The following CRACDL variants were observed in gnomAD, a reference collection of about 807,000 sequenced individuals.
CRACDL encodes CRACD like.
CRACDL carries 26 observed loss-of-function variants against 70.6 expected under a neutral mutation model. The observed-to-expected ratio is 0.37, with a 90% CI of 0.27 to 0.51. The LOEUF (loss-of-function observed/expected upper bound fraction) is 0.51, where lower values mean the gene tolerates loss of function less well. Among genes scored for constraint, CRACDL ranks in the 20% least tolerant of loss-of-function variants. The pLI, the probability that CRACDL is intolerant of heterozygous loss-of-function variation, is 0.94. For synonymous variants in CRACDL, 618 were observed against 615.2 expected, an observed-to-expected ratio of 1.00 and a Z score of -0.07; for missense variants, 1,283 against 1,376.9, an observed-to-expected ratio of 0.93 and a Z score of 1.08.
chr2:98,827,307 T>C, intron 5 of CRACDL, 138 bp from the exon 6 acceptor site: 2 of 590,300 alleles, frequency 3.4e-6, no homozygotes, highest in South Asian at 2.2e-5. Flanking sequence ...AAATACTTTC[T>C]TTTTTTTTCC....
intron 1 of CRACDL, among the ~76,000 whole-genome samples, chr2:98,890,513 C>T (rs935155796): frequency 5.3e-5 from 8 of 152,108 alleles, no homozygotes; most frequent in South Asian, 2.1e-4. Flanking sequence ...TAAAACTTCC[C>T]GCAAAGAAAA....
Position 98,797,539 on chromosome 2 carries a change from T to C in CRACDL, c.2417-2A>G. On this transcript the variant is annotated splice_acceptor_variant, in intron 7 of 9. Transcript: ENST00000397899. LOFTEE classifies it high-confidence loss of function. ...TTGCTGCAGGCGGCAGACTCTTTTCTGTTGGGTAAAGGCACAAGATTATAG... is the reference window on the plus strand; with the variant it reads ...TTGCTGCAGGCGGCAGACTCTTTTCCGTTGGGTAAAGGCACAAGATTATAG... The C allele has an allele frequency of 6.2e-7, 1 of 1,613,460 alleles. No individual in the cohort carries two copies. The highest frequency in any genetic ancestry group is 8.5e-7 in the Non-Finnish European group (1 of 1,180,012).
intron 7 of CRACDL, among the ~76,000 whole-genome samples, chr2:98,815,122 T>C (rs1194232339): frequency 1.3e-5 from 2 of 152,224 alleles, no homozygotes; most frequent in African/African-American, 2.4e-5. Flanking sequence ...TGTGGCATAA[T>C]AGTTGCTTTA....
In CRACDL at chr2:98,794,534, A is replaced by G; in HGVS notation, c.2887T>C (p.Ter963GlnextTer18). 6.2e-7 allele frequency: 1 copy of G among 1,613,888 alleles called. No individual in the cohort carries two copies. The highest frequency in any genetic ancestry group is 8.5e-7 in the Non-Finnish European group (1 of 1,179,856). The change falls in exon 10 of 10, where the codon TAG (stop) becomes CAG (glutamine). Residue 963 changes from the stop codon to glutamine (Q), a stop_lost. Transcript: ENST00000397899. ...AWSDMPQIIK* is the reference protein window; with the variant it reads ...AWSDMPQIIKQ Reference sequence around the variant, plus strand: ...TGCTTTATCAGCACACTGCCCACCTATTTTATAATCTGGGGCATGTCACTC... The same window carrying G: ...TGCTTTATCAGCACACTGCCCACCTGTTTTATAATCTGGGGCATGTCACTC...
At chr2:98,916,131 A>C (rs929520216) in intron 1 of CRACDL, among the ~76,000 whole-genome samples, 5 of 152,256 alleles carry the variant, frequency 3.3e-5, no homozygotes, top group Non-Finnish European at 7.3e-5. Flanking sequence ...TGGATTAGAA[A>C]AACTGTACTA....
chr2:98,895,906 G>A (rs1468353520), intron 1 of CRACDL, among the ~76,000 whole-genome samples: 1 of 152,136 alleles, frequency 6.6e-6, no homozygotes, highest in East Asian at 1.9e-4. Flanking sequence ...GAGCTCGCTT[G>A]CCCCTTCCAC....
intron 7 of CRACDL, among the ~76,000 whole-genome samples, chr2:98,821,531 C>T (rs558214568): frequency 4.6e-5 from 7 of 152,266 alleles, no homozygotes; most frequent in African/African-American, 1.4e-4. Flanking sequence ...CTGGGCCACA[C>T]TGGAAGAATT....
Position 98,822,999 on chromosome 2 carries a change from G to A in CRACDL, c.1274C>T (p.Pro425Leu), listed in dbSNP as rs1705147032. ...ETDPAATSEA[P>L]SARDGPERSV... ...GCGTTCTGGCCCGTCGCGAGCAGAG[G>A]GCGCCTCTGAGGTGGCGGCGGGGTC... The change falls in exon 7 of 10, where the codon CCC becomes CTC. Residue 425 changes from proline to leucine, a missense_variant. Pro to Leu is a moderately conservative substitution (Grantham distance 98). Around this residue, in one of 2 missense-constraint regions of CRACDL, gnomAD observed 921 missense variants for 881.9 expected, o/e 1.04. Transcript: ENST00000397899. This position sits in a 1 kb window ranked among gnomAD's most constrained non-coding sequence, Gnocchi z 4.9. 4 of 1,500,110 alleles carry A rather than the reference G, an allele frequency of 2.7e-6. No homozygotes were observed. The highest frequency in any genetic ancestry group is 2.9e-5 in the African/African-American group (2 of 68,526). 92.9% of individuals were successfully genotyped at this position (1,500,110 alleles called of 1,614,324 possible). A position where few individuals can be genotyped will look rare whatever the true frequency, so the allele number is the denominator to read the frequency against.
At chr2:98,805,283 GCA>G (rs1365601943) in intron 7 of CRACDL, among the ~76,000 whole-genome samples, 1 of 152,156 alleles carries the variant, frequency 6.6e-6, no homozygotes, top group Non-Finnish European at 1.5e-5. Context: ...AGAAGTAAAA[GCA>G]CACAAATAAC....
At chr2:98,797,628 T>C (rs1703884892) in intron 7 of CRACDL, 91 bp from the exon 8 acceptor site, 2 of 1,288,480 alleles carry the variant, frequency 1.6e-6, no homozygotes, top group Non-Finnish European at 2.2e-6. Context: ...CACTACTGCT[T>C]TGGTTCAGGG....
chr2:98,829,415 G>C (rs1262555196), intron 5 of CRACDL, among the ~76,000 whole-genome samples: 2 of 152,220 alleles, frequency 1.3e-5, no homozygotes, highest in African/African-American at 4.8e-5. Context: ...GGTCCAGAAA[G>C]ACCCTCATCT....
intron 3 of CRACDL, among the ~76,000 whole-genome samples, chr2:98,834,272 G>A (rs1705674067): frequency 6.6e-6 from 1 of 152,196 alleles, no homozygotes; most frequent in African/African-American, 2.4e-5. Context: ...CATGTGCAAG[G>A]CCATTCACTA....
chr2:98,888,336 A>C (rs903647662), intron 1 of CRACDL, among the ~76,000 whole-genome samples: 1 of 152,236 alleles, frequency 6.6e-6, no homozygotes, highest in Non-Finnish European at 1.5e-5. Context: ...TGTGTTAATG[A>C]GCATATAAAG....
At chr2:98,904,167 CAG>C (rs1287634721) in intron 1 of CRACDL, among the ~76,000 whole-genome samples, 1 of 152,216 alleles carries the variant, frequency 6.6e-6, no homozygotes, top group Non-Finnish European at 1.5e-5. Flanking sequence ...GAACACAAAA[CAG>C]TGTGATCGAG....
chr2:98,926,520 C>T (rs1708913265), intron 1 of CRACDL, among the ~76,000 whole-genome samples: 1 of 152,188 alleles, frequency 6.6e-6, no homozygotes, highest in Non-Finnish European at 1.5e-5. Flanking sequence ...CAAGCAGCTG[C>T]CCCCATGGTC....
chr2:98,828,430 T>C (rs1705404310), intron 5 of CRACDL, among the ~76,000 whole-genome samples: 1 of 152,150 alleles, frequency 6.6e-6, no homozygotes, highest in Non-Finnish European at 1.5e-5. Flanking sequence ...AAACAGTGAA[T>C]GAGGCAATGA....
At chr2:98,870,647 A>G (rs745314041) in intron 1 of CRACDL, among the ~76,000 whole-genome samples, 3 of 152,076 alleles carry the variant, frequency 2.0e-5, no homozygotes, top group African/African-American at 4.8e-5. Flanking sequence ...GTCTCTAAGG[A>G]CTGTCCCAGC....
At chr2:98,857,113 C>T (rs1396958414) in intron 1 of CRACDL, among the ~76,000 whole-genome samples, 1 of 152,146 alleles carries the variant, frequency 6.6e-6, no homozygotes, top group Non-Finnish European at 1.5e-5. Context: ...ATCTGTCTCT[C>T]CAGGTGCAAT....
At chr2:98,928,290 T>C (rs1261663465) in intron 1 of CRACDL, among the ~76,000 whole-genome samples, 1 of 152,230 alleles carries the variant, frequency 6.6e-6, no homozygotes, top group African/African-American at 2.4e-5. Flanking sequence ...TACGTATGTA[T>C]GTATAGTCAG....
Sources: allele counts gnomAD v4.1 joint callset (sites outside exome capture counted in the v4.1 genomes callset), GRCh38; gene constraint gnomAD v4.1.1; regional missense constraint gnomAD v4.1.1; non-coding constraint Gnocchi (gnomAD v3.1); transcripts MANE v1.5; gene names NCBI Gene and HGNC (gene_info 2026-07-23, HGNC 2026-07-21).